The following TGFB3 variants were observed in gnomAD, a reference collection of about 807,000 sequenced individuals.
TGFB3 encodes the protein transforming growth factor beta 3.
Under a neutral mutation model 40.1 loss-of-function variants are expected in TGFB3, and 5 were observed. The observed-to-expected ratio is 0.12, with a 90% CI of 0.07 to 0.26. TGFB3 has a LOEUF of 0.26. TGFB3 is among the 10% of genes least tolerant of loss of function. The probability of loss-of-function intolerance (pLI) is 1.00; values close to 1 mark genes in which losing one functional copy is unlikely to be tolerated. For missense variants in TGFB3, 373 were observed against 530.1 expected, an observed-to-expected ratio of 0.70 and a Z score of 2.91; for synonymous variants, 184 against 205.6, an observed-to-expected ratio of 0.89 and a Z score of 0.90.
intron 1 of TGFB3, among the ~76,000 whole-genome samples, chr14:75,976,026 A>G (rs1594790106): frequency 6.6e-6 from 1 of 152,376 alleles, no homozygotes; most frequent in Non-Finnish European, 1.5e-5. Flanking sequence ...TAACGGGGCA[A>G]AACATAAGCA....
intron 1 of TGFB3, among the ~76,000 whole-genome samples, chr14:75,974,392 T>C (rs894374122): frequency 2.0e-5 from 3 of 152,036 alleles, no homozygotes; most frequent in South Asian, 2.1e-4. Flanking sequence ...CTGGGATATA[T>C]AGATTTCCCA....
In TGFB3 at chr14:75,980,449, G is replaced by T; in HGVS notation, c.352+93C>A. Reference sequence around the variant, plus strand: ...GTGCTGGTGAATCCTGGGGCACCCTGCTGTGTGGCCAGCACTAGGCCCCCC... The same window carrying T: ...GTGCTGGTGAATCCTGGGGCACCCTTCTGTGTGGCCAGCACTAGGCCCCCC... On this transcript the variant is annotated intron_variant, in intron 1 of 6. Transcript: ENST00000238682. The surrounding 1 kb of genome is among the most constrained non-coding windows in gnomAD (Gnocchi z 4.3). The T allele has an allele frequency of 1.5e-6, 2 of 1,305,154 alleles. No homozygotes were observed. Among genetic ancestry groups the T allele is most frequent in the Non-Finnish European group, 2.2e-6 (2 of 902,358 alleles). 80.8% of individuals were successfully genotyped at this position (1,305,154 alleles called of 1,614,324 possible).
rs1416144840 is a variant in TGFB3, at chr14:75,979,378, C to T, written c.352+1164G>A. On this transcript the variant is annotated intron_variant, in intron 1 of 6. Transcript: ENST00000238682. The surrounding 1 kb of genome is among the most constrained non-coding windows in gnomAD (Gnocchi z 4.8). ...CAGCTCCATCCCATGCCCTCCACCC[C>T]ACTCCAGGAGCTGCCCACCTCCCAG... Among the ~76,000 whole-genome samples, 20 of 152,096 alleles carry T rather than the reference C, an allele frequency of 1.3e-4. 1 individual carries two copies. The highest frequency in any genetic ancestry group is 1.3e-3 in the Admixed American group (20 of 15,288).
At position 75,980,953 on chromosome 14, in the gene TGFB3, C is replaced by G. The variant is rs1217679111; in HGVS notation, c.-60G>C. On this transcript the variant is annotated 5_prime_UTR_variant, in exon 1 of 7. Coordinates refer to ENST00000238682, the MANE Select transcript of TGFB3 (RefSeq NM_003239.5). This position sits in a 1 kb window ranked among gnomAD's most constrained non-coding sequence, Gnocchi z 4.3. ...AGGCCTGGAGAGGAAGAGACCCCAGCAGACGTGCAGAAGGAGGGAGGAAAA... is the reference window on the plus strand; with the variant it reads ...AGGCCTGGAGAGGAAGAGACCCCAGGAGACGTGCAGAAGGAGGGAGGAAAA... 6.6e-7 allele frequency: 1 copy of G among 1,507,248 alleles called. No individual in the cohort carries two copies. Among genetic ancestry groups the G allele is most frequent in the Non-Finnish European group, 9.2e-7 (1 of 1,088,018 alleles). 93.4% of individuals were successfully genotyped at this position (1,507,248 alleles called of 1,614,324 possible). A position where few individuals can be genotyped will look rare whatever the true frequency, so the allele number is the denominator to read the frequency against.
intron 4 of TGFB3, 54 bp from the exon 5 acceptor site, chr14:75,963,541 G>A (rs1430859742): frequency 6.2e-7 from 1 of 1,609,862 alleles, no homozygotes; most frequent in Non-Finnish European, 8.5e-7. Flanking sequence ...CAGAGCCCTT[G>A]GAGGCTGCCT....
Position 75,971,584 on chromosome 14 carries a change from G to T in TGFB3, c.487C>A (p.Arg163=). Residue 163 remains arginine, a synonymous_variant, in exon 2 of 7, where the codon CGG becomes AGG. Transcript: ENST00000238682. This position sits in a 1 kb window ranked among gnomAD's most constrained non-coding sequence, Gnocchi z 4.5. ...AAGAGCTCGATCCTCTGCTCATTCC[G>T]CTTAGAGCTGGGGTTGGGCACCCGC... The part of the protein sequence containing the change: ...VLRVPNPSSK[R]NEQRIELFQI... The T allele has an allele frequency of 6.2e-7, 1 of 1,614,178 alleles. No homozygotes were observed. Among genetic ancestry groups the T allele is most frequent in the Admixed American group, 1.7e-5 (1 of 60,020 alleles).
intron 5 of TGFB3, among the ~76,000 whole-genome samples, chr14:75,962,031 CT>C (rs2035163607): frequency 6.6e-6 from 1 of 152,172 alleles, no homozygotes; most frequent in Admixed American, 6.5e-5. Flanking sequence ...CTCATTCCTT[CT>C]TGTCTTAAAT....
chr14:75,962,294 A>G (rs1003170686), intron 5 of TGFB3, among the ~76,000 whole-genome samples: 1 of 152,100 alleles, frequency 6.6e-6, no homozygotes, highest in South Asian at 2.1e-4. Flanking sequence ...ATTCGTTCCT[A>G]ACTGATTTGT....
intron 4 of TGFB3, among the ~76,000 whole-genome samples, chr14:75,964,879 C>T (rs1482121582): frequency 6.6e-6 from 1 of 152,136 alleles, no homozygotes; most frequent in African/African-American, 2.4e-5. Context: ...CCAAAAGAGG[C>T]CTGCACCTTT....
In TGFB3 at chr14:75,981,453, T is replaced by C. The variant is rs1308935719; in HGVS notation, c.-560A>G. On this transcript the variant is annotated 5_prime_UTR_variant, in exon 1 of 7. Transcript: ENST00000238682. This position sits in a 1 kb window ranked among gnomAD's most constrained non-coding sequence, Gnocchi z 4.7. ...TAAAAAAAAAAAGATCACCAGTGAG[T>C]AGGTGGGGAGAAGCAGGGCCGGGCA... 5.7e-6 allele frequency: 1 copy of C among 176,304 alleles called. No individual in the cohort carries two copies. The highest frequency in any genetic ancestry group is 2.5e-5 in the African/African-American group (1 of 40,078). 10.9% of individuals were successfully genotyped at this position (176,304 alleles called of 1,614,324 possible). A position where few individuals can be genotyped will look rare whatever the true frequency, so the allele number is the denominator to read the frequency against.
rs1029061794 is a variant in TGFB3 at position 75,965,804 on chromosome 14, A to G, written c.647-109T>C. On this transcript the variant is annotated intron_variant, in intron 3 of 6. Transcript: ENST00000238682. ...GGCCTCTGCTCCTATAGGGACTCAT[A>G]GGAACTGAGTTCTATTGAGGGTCAC... 1.4e-5 allele frequency: 12 copies of G among 884,938 alleles called. No individual in the cohort carries two copies. In the African/African-American group the frequency reaches 2.0e-4, roughly 14 times the overall value. 54.8% of individuals were successfully genotyped at this position (884,938 alleles called of 1,614,324 possible). A position where few individuals can be genotyped will look rare whatever the true frequency, so the allele number is the denominator to read the frequency against.
intron 3 of TGFB3, among the ~76,000 whole-genome samples, chr14:75,969,264 G>T (rs2035258189): frequency 6.6e-6 from 1 of 152,322 alleles, no homozygotes; most frequent in East Asian, 1.9e-4. Context: ...TCAATATGTG[G>T]ATGGTCTGTG....
chr14:75,977,385 A>G (rs1255855915), intron 1 of TGFB3, among the ~76,000 whole-genome samples: 1 of 152,156 alleles, frequency 6.6e-6, no homozygotes, highest in African/African-American at 2.4e-5. Flanking sequence ...CCGACAGTAA[A>G]ATCCTGGAGA....
rs1020220506 is a variant in TGFB3 at position 75,961,079 on chromosome 14, A to G, written c.927-3T>C. 5.6e-6 allele frequency: 9 copies of G among 1,614,208 alleles called. No individual in the cohort carries two copies. The South Asian group carries it at 9.9e-5, about 18-fold the overall frequency. On this transcript the variant is annotated splice_polypyrimidine_tract_variant and splice_region_variant and intron_variant, in intron 5 of 6. Transcript: ENST00000238682. ...CACAGCAGTTCTCCTCCAAGTTGCT[A>G]CAACAAAAAACATTTATAGAAAATC...
intron 1 of TGFB3, among the ~76,000 whole-genome samples, chr14:75,976,363 G>A (rs2035354063): frequency 6.6e-6 from 1 of 152,192 alleles, no homozygotes; most frequent in African/African-American, 2.4e-5. Flanking sequence ...TGCAGCCAGG[G>A]TTGAGAACCA....
intron 5 of TGFB3, chr14:75,963,095 C>G: frequency 6.4e-6 from 4 of 625,280 alleles, no homozygotes; most frequent in Non-Finnish European, 1.1e-5. Context: ...CAGCCAGCTC[C>G]TTCCAGAGTT....
At chr14:75,959,682 G>A (rs907906308) in intron 6 of TGFB3, among the ~76,000 whole-genome samples, 12 of 151,466 alleles carry the variant, frequency 7.9e-5, no homozygotes, top group Admixed American at 5.9e-4. Flanking sequence ...GAGGTGGGAG[G>A]ATCACCTGAA....
At position 75,963,362 on chromosome 14, in the gene TGFB3, C is replaced by T; in HGVS notation, c.880G>A (p.Gly294Arg). The T allele has an allele frequency of 6.2e-7, 1 of 1,614,198 alleles. No individual in the cohort carries two copies. Among genetic ancestry groups the T allele is most frequent in the South Asian group, 1.1e-5 (1 of 91,076 alleles). Residue 294 changes from glycine (G) to arginine (R), a missense_variant, in exon 5 of 7, where the codon GGG becomes AGG. Physicochemically the swap from Gly to Arg is moderately radical, Grantham distance 125. Transcript: ENST00000238682. ...PPHRLDNPGQ[G>R]GQRKKRALDT... Reference sequence around the variant, plus strand: ...AAAGCCCGCTTCTTCCTCTGACCCCCCTGGCCCGGGTTGTCGAGCCGGTGT... The same window carrying T: ...AAAGCCCGCTTCTTCCTCTGACCCCTCTGGCCCGGGTTGTCGAGCCGGTGT...
chr14:75,965,042 A>G (rs1229520124), intron 4 of TGFB3, among the ~76,000 whole-genome samples: 1 of 152,240 alleles, frequency 6.6e-6, no homozygotes, highest in African/African-American at 2.4e-5. Context: ...CGACTTCGCC[A>G]TCTCTACCCA....
Sources: gnomAD v4.1 joint callset for allele counts (sites outside exome capture counted in the v4.1 genomes callset) on GRCh38, gnomAD v4.1.1 for gene constraint, Gnocchi (gnomAD v3.1) non-coding constraint, MANE v1.5 for transcripts, NCBI Gene and HGNC (gene_info 2026-07-23, HGNC 2026-07-21) for gene names.